SLIT3: variants seen among roughly 807,000 people sequenced by gnomAD.
SLIT3 encodes the protein slit guidance ligand 3.
A neutral mutation model predicts 184.0 loss-of-function variants in SLIT3; 68 were observed. The ratio of observed to expected loss-of-function variants is 0.37; its 90% CI spans 0.30 to 0.45. The LOEUF (loss-of-function observed/expected upper bound fraction) is 0.45. Among genes scored for constraint, SLIT3 ranks in the 20% least tolerant of loss-of-function variants. SLIT3 has a pLI of 1.00. For synonymous variants in SLIT3, 831 were observed against 828.6 expected, an observed-to-expected ratio of 1.00 and a Z score of -0.05; for missense variants, 1,707 against 2,026.0, an observed-to-expected ratio of 0.84 and a Z score of 3.02.
In SLIT3 at chr5:168,992,750, C is replaced by T. The variant is rs907549519; in HGVS notation, c.414-109414G>A. Among the ~76,000 whole-genome samples, 10 of 152,342 alleles carry T rather than the reference C, an allele frequency of 6.6e-5. No individual in the cohort carries two copies. In the South Asian group the frequency reaches 1.9e-3, roughly 28 times the overall value. On this transcript the variant is annotated intron_variant, in intron 4 of 35. Coordinates refer to ENST00000519560, the MANE Select transcript of SLIT3 (RefSeq NM_003062.4). ...GTTCCAAGGGACAGAGTCTGAAAGA[C>T]ATTGCTCTAAATGAATCTGTGCTGC...
chr5:169,123,121 C>T (rs1290539265), intron 4 of SLIT3, among the ~76,000 whole-genome samples: 2 of 151,738 alleles, frequency 1.3e-5, no homozygotes, highest in African/African-American at 2.4e-5. Flanking sequence ...GCACCAAAAT[C>T]AACTTATACT....
At chr5:169,064,923 C>T (rs1447441294) in intron 4 of SLIT3, among the ~76,000 whole-genome samples, 4 of 152,160 alleles carry the variant, frequency 2.6e-5, no homozygotes, top group African/African-American at 4.8e-5. Context: ...CTGGCAGTTT[C>T]GAAACTAGAA....
At position 168,774,394 on chromosome 5, in the gene SLIT3, A is replaced by T. The variant is rs774602761; in HGVS notation, c.1152-16T>A. On this transcript the variant is annotated splice_polypyrimidine_tract_variant and intron_variant, in intron 12 of 35. Transcript: ENST00000519560. Reference sequence around the variant, plus strand: ...ATTGAGGAGGCTGCAAACAGAAGAGAGCCTGGTTGATTCACTAATCCTGGT... The same window carrying T: ...ATTGAGGAGGCTGCAAACAGAAGAGTGCCTGGTTGATTCACTAATCCTGGT... The T allele has an allele frequency of 6.2e-7, 1 of 1,601,448 alleles. No individual in the cohort carries two copies. Among genetic ancestry groups the T allele is most frequent in the Non-Finnish European group, 8.5e-7 (1 of 1,174,244 alleles).
intron 4 of SLIT3, among the ~76,000 whole-genome samples, chr5:169,115,903 C>T (rs917450941): frequency 6.6e-6 from 1 of 152,202 alleles, no homozygotes; most frequent in African/African-American, 2.4e-5. Context: ...GGCCACCCAG[C>T]ATATCAGGCA....
At chr5:169,050,749 G>T (rs186641088) in intron 4 of SLIT3, among the ~76,000 whole-genome samples, 4 of 151,726 alleles carry the variant, frequency 2.6e-5, no homozygotes, top group African/African-American at 4.8e-5. Flanking sequence ...CAACTGTAAC[G>T]TGTAGATTTC....
intron 4 of SLIT3, among the ~76,000 whole-genome samples, chr5:169,076,322 GC>G (rs1758739828): frequency 6.6e-6 from 1 of 152,116 alleles, no homozygotes; most frequent in African/African-American, 2.4e-5. Context: ...TGTTCAGGAG[GC>G]TGTGATTATA....
intron 4 of SLIT3, among the ~76,000 whole-genome samples, chr5:169,077,982 A>G (rs1042781794): frequency 6.6e-6 from 1 of 152,166 alleles, no homozygotes; most frequent in Admixed American, 6.5e-5. Flanking sequence ...ATTGACAACC[A>G]CAATCTCCAA....
intron 4 of SLIT3, among the ~76,000 whole-genome samples, chr5:169,146,288 G>A (rs562832157): frequency 1.4e-3 from 209 of 152,342 alleles, no homozygotes; most frequent in Non-Finnish European, 1.5e-3. Context: ...ACCGCAAAAC[G>A]TATTCCCTCT....
chr5:168,981,991 C>T (rs1165315319), intron 4 of SLIT3, among the ~76,000 whole-genome samples: 1 of 152,148 alleles, frequency 6.6e-6, no homozygotes, highest in African/African-American at 2.4e-5. Context: ...TGTGACGTTG[C>T]TGCATTTGTG....
chr5:169,128,986 G>A (rs1010603456), intron 4 of SLIT3, among the ~76,000 whole-genome samples: 1 of 152,134 alleles, frequency 6.6e-6, no homozygotes, highest in Non-Finnish European at 1.5e-5. Context: ...GGAGCTGGGG[G>A]AGGAGCCAGC....
intron 6 of SLIT3, among the ~76,000 whole-genome samples, chr5:168,829,450 T>C (rs35668185): frequency 0.19 from 28,460 of 152,138 alleles, 2,879 homozygotes; most frequent in South Asian, 0.31. Context: ...GTCCAAGAGA[T>C]CCTCTTGGTG....
intron 12 of SLIT3, among the ~76,000 whole-genome samples, chr5:168,785,614 C>T (rs1425846620): frequency 1.3e-5 from 2 of 152,182 alleles, no homozygotes; most frequent in East Asian, 3.8e-4. Flanking sequence ...TTGGATTTGA[C>T]TCTTTCCTAA....
At chr5:169,231,932 A>T (rs1765018178) in intron 3 of SLIT3, among the ~76,000 whole-genome samples, 1 of 152,180 alleles carries the variant, frequency 6.6e-6, no homozygotes, top group Non-Finnish European at 1.5e-5. Context: ...GCAACTTTTC[A>T]TACGATCATT....
intron 4 of SLIT3, among the ~76,000 whole-genome samples, chr5:168,891,920 G>A (rs893639600): frequency 6.6e-6 from 1 of 152,154 alleles, no homozygotes; most frequent in African/African-American, 2.4e-5. Flanking sequence ...AAGCGAGCTG[G>A]GGATGTTATT....
chr5:169,202,941 T>C (rs1246893266), intron 3 of SLIT3, among the ~76,000 whole-genome samples: 2 of 152,200 alleles, frequency 1.3e-5, no homozygotes, highest in South Asian at 2.1e-4. Flanking sequence ...CTCTGACCCC[T>C]GCCCTGGCTA....
Position 169,301,061 on chromosome 5 carries a change from G to GGGCTGGGGAGCGCGGCGGCTGC in SLIT3, c.-374_-353dup, listed in dbSNP as rs1232618876. 3 of 154,030 alleles carry GGGCTGGGGAGCGCGGCGGCTGC rather than the reference G, an allele frequency of 1.9e-5. No homozygotes were observed. Among genetic ancestry groups the GGGCTGGGGAGCGCGGCGGCTGC allele is most frequent in the Non-Finnish European group, 4.3e-5 (3 of 69,136 alleles). The allele number at this position is 154,030 out of a possible 1,614,324, so 9.5% of individuals were successfully genotyped here. On this transcript the variant is annotated 5_prime_UTR_variant, in exon 1 of 36. An upstream open reading frame in the 5' UTR loses its in-frame stop. Coordinates refer to ENST00000519560, the MANE Select transcript of SLIT3 (RefSeq NM_003062.4). The stretch of plus-strand genomic sequence containing the variant: ...GCCCGGGGAGGTCCGGCTTGGGGCT[G>GGGCTGGGGAGCGCGGCGGCTGC]GGCTGGGGAGCGCGGCGGCTGCGGC...
At chr5:169,125,296 T>C (rs1191490733) in intron 4 of SLIT3, among the ~76,000 whole-genome samples, 4 of 152,222 alleles carry the variant, frequency 2.6e-5, no homozygotes, top group African/African-American at 9.6e-5. Context: ...TCCACCTGCC[T>C]TGGCCTCCCA....
chr5:168,921,648 A>C (rs1761638697), intron 4 of SLIT3, among the ~76,000 whole-genome samples: 1 of 152,232 alleles, frequency 6.6e-6, no homozygotes, highest in African/African-American at 2.4e-5. Context: ...GTACACATTT[A>C]ATGCCTTCCT....
chr5:169,047,040 C>A (rs573445802), intron 4 of SLIT3, among the ~76,000 whole-genome samples: 1 of 152,270 alleles, frequency 6.6e-6, no homozygotes, highest in African/African-American at 2.4e-5. Context: ...AAGGAGGATT[C>A]AAGTTCTATT....
Sources: allele counts gnomAD v4.1 joint callset (sites outside exome capture counted in the v4.1 genomes callset), GRCh38; gene constraint gnomAD v4.1.1; transcripts MANE v1.5; gene names NCBI Gene and HGNC (gene_info 2026-07-23, HGNC 2026-07-21).